IAH1: variants seen among roughly 807,000 people sequenced by gnomAD.
The protein encoded by IAH1 is isoamyl acetate hydrolyzing esterase 1 (putative).
Under a neutral mutation model 26.7 loss-of-function variants are expected in IAH1, and 24 were observed. The ratio of observed to expected loss-of-function variants is 0.90; its 90% CI spans 0.65 to 1.26. The LOEUF (loss-of-function observed/expected upper bound fraction) is 1.26. Ranked by LOEUF, IAH1 falls within the 50% of genes most tolerant of loss-of-function variation. The pLI is 0.00. For synonymous variants in IAH1, 140 were observed against 118.5 expected (o/e 1.18, Z -1.18); for missense variants, 300 against 299.9 (o/e 1.00, Z 0.00).
upstream of IAH1, chr2:9,474,034 C>G (rs1262078068): frequency 2.6e-5 from 4 of 152,320 alleles, no homozygotes; most frequent in Non-Finnish European, 5.9e-5. The surrounding 1 kb of genome is among the most constrained non-coding windows in gnomAD (Gnocchi z 4.3). Context: ...GCTGCGCGCG[C>G]ACTGAAGGTG....
intron 5 of IAH1, chr2:9,484,772 T>C (rs972844795): frequency 5.9e-6 from 3 of 507,382 alleles, no homozygotes; most frequent in Non-Finnish European, 1.1e-5. Context: ...TAGGAGTTAG[T>C]GCGCAGTGAC....
chr2:9,478,402 CT>C, intron 3 of IAH1, 32 bp downstream of exon 3: 2 of 1,542,336 alleles, frequency 1.3e-6, no homozygotes, highest in Non-Finnish European at 1.8e-6. Flanking sequence ...TTCTAGCTCA[CT>C]TTTAATCATT....
chr2:9,481,845 G>A (rs1177924931), intron 4 of IAH1, among the ~76,000 whole-genome samples: 6 of 151,978 alleles, frequency 3.9e-5, no homozygotes, highest in Non-Finnish European at 8.8e-5. Flanking sequence ...GAAGCTGGGG[G>A]TAGGAATGAT....
chr2:9,498,580 A>G (rs1287273537), downstream of IAH1, among the ~76,000 whole-genome samples: 2 of 152,262 alleles, frequency 1.3e-5, no homozygotes, highest in East Asian at 3.8e-4. Context: ...CACAAAATGT[A>G]CAGAAAATCT....
chr2:9,488,064 C>T (rs964135596), intron 5 of IAH1, 83 bp from the exon 6 acceptor site: 89 of 916,672 alleles, frequency 9.7e-5, no homozygotes, highest in Non-Finnish European at 1.3e-4. Flanking sequence ...CAGTAATCCT[C>T]GGCCCCAAAG....
chr2:9,488,423 G>C lies in IAH1; in HGVS notation c.*94G>C. 1.1e-6 allele frequency: 1 copy of C among 898,034 alleles called. No homozygotes were observed. The highest frequency in any genetic ancestry group is 1.7e-6 in the Non-Finnish European group (1 of 604,806). The allele number at this position is 898,034 out of a possible 1,614,324, so 55.6% of individuals were successfully genotyped here. On this transcript the variant is annotated 3_prime_UTR_variant, in exon 6 of 6. Coordinates refer to ENST00000497473, the MANE Select transcript of IAH1 (RefSeq NM_001039613.3). ...CTTTTTTCCTCAGGCTTAAACCTTT[G>C]CCACTGATATTAATAATAAAAGTAT...
the IAH1 span, among the ~76,000 whole-genome samples, chr2:9,506,359 GTTTTTTTTTTTTTT>G: frequency 8.2e-5 from 6 of 73,208 alleles, no homozygotes; most frequent in South Asian, 9.5e-4. Flanking sequence ...CTTCAAATCT[GTTTTTTTTTTTTTT>G]TTTTTTTTTT....
the IAH1 span, among the ~76,000 whole-genome samples, chr2:9,511,209 G>A: frequency 2.6e-5 from 4 of 152,212 alleles, no homozygotes; most frequent in Middle Eastern, 3.2e-3. Context: ...AGCACTTTGG[G>A]AGGCCAAGGT....
chr2:9,475,046 G>C, intron 1 of IAH1: 1 of 1,161,436 alleles, frequency 8.6e-7, no homozygotes, highest in Non-Finnish European at 1.1e-6. Context: ...CCCGCGGCCA[G>C]CTCCGGGCAG....
At chr2:9,490,537 A>AATTG (rs761385025), downstream of IAH1, 127 of 1,599,312 alleles carry the variant, frequency 7.9e-5, no homozygotes, top group African/African-American at 7.1e-4. Context: ...ACATGGGTTC[A>AATTG]ATTGATTGAT....
chr2:9,495,861 T>C (rs913010333), intron 6 of IAH1, among the ~76,000 whole-genome samples: 45 of 77,354 alleles, frequency 5.8e-4, no homozygotes, highest in African/African-American at 1.8e-3. Context: ...ACGTGTTACC[T>C]TTTTTTTTTT....
At chr2:9,497,696 C>G (rs938038579), downstream of IAH1, among the ~76,000 whole-genome samples, 17 of 152,182 alleles carry the variant, frequency 1.1e-4, no homozygotes, top group Non-Finnish European at 7.4e-5. Flanking sequence ...TTAACAGATA[C>G]TATTCCTTCT....
chr2:9,487,833 T>TGTGTGTGCGCGCGC (rs1192269311), intron 5 of IAH1, among the ~76,000 whole-genome samples: 11 of 82,704 alleles, frequency 1.3e-4, no homozygotes, highest in African/African-American at 4.7e-5. Context: ...TGTGTGTGTG[T>TGTGTGTGCGCGCGC]GCGCGCGCGC....
chr2:9,479,222 ACT>A (rs1482845734), intron 3 of IAH1, among the ~76,000 whole-genome samples: 2 of 152,190 alleles, frequency 1.3e-5, no homozygotes, highest in East Asian at 1.9e-4. Flanking sequence ...CCATAAGAAA[ACT>A]CAAAACAGAA....
chr2:9,492,142 T>G (rs563678689), downstream of IAH1, among the ~76,000 whole-genome samples: 3 of 151,920 alleles, frequency 2.0e-5, no homozygotes, highest in South Asian at 6.2e-4. Context: ...GTCATCAGAG[T>G]TGTGCTGGAA....
chr2:9,486,194 C>T (rs1661467739), intron 5 of IAH1: 1 of 152,234 alleles, frequency 6.6e-6, no homozygotes, highest in Non-Finnish European at 1.5e-5. Flanking sequence ...TGCCGAGTCA[C>T]CAGTCACCTT....
downstream of IAH1, chr2:9,492,820 C>T: frequency 1.5e-6 from 2 of 1,295,026 alleles, no homozygotes; most frequent in Non-Finnish European, 2.1e-6. Context: ...ACAAGTTTTA[C>T]CTTTTCCAGA....
At chr2:9,496,805 C>T (rs1295891415), downstream of IAH1, among the ~76,000 whole-genome samples, 1 of 152,152 alleles carries the variant, frequency 6.6e-6, no homozygotes, top group Non-Finnish European at 1.5e-5. Context: ...CAGAGGAAGG[C>T]TAGGACACAC....
chr2:9,501,461 G>T (rs1479259286), downstream of IAH1, among the ~76,000 whole-genome samples: 2 of 152,240 alleles, frequency 1.3e-5, no homozygotes, highest in East Asian at 3.9e-4. Flanking sequence ...TTCCTGAAGG[G>T]ACGTAGGAGG....
Sources: allele counts gnomAD v4.1 joint callset (sites outside exome capture counted in the v4.1 genomes callset), GRCh38; gene constraint gnomAD v4.1.1; non-coding constraint Gnocchi (gnomAD v3.1); transcripts MANE v1.5; gene names NCBI Gene and HGNC (gene_info 2026-07-23, HGNC 2026-07-21).